CRPPA: variants seen among roughly 807,000 people sequenced by gnomAD.
The protein encoded by CRPPA is CDP-L-ribitol pyrophosphorylase A.
CRPPA carries 43 observed loss-of-function variants against 52.0 expected under a neutral mutation model. That is an observed-to-expected ratio of 0.83 (90% CI 0.65 to 1.07). CRPPA has a LOEUF of 1.07. Ranked by LOEUF, CRPPA falls within the 50% of genes least tolerant of loss-of-function variation. The probability of loss-of-function intolerance (pLI) is 0.00; values close to 1 mark genes in which losing one functional copy is unlikely to be tolerated. For missense variants in CRPPA, 629 were observed against 551.7 expected (o/e 1.14, Z -1.40); for synonymous variants, 250 against 203.5 (o/e 1.23, Z -1.94).
Position 16,254,772 on chromosome 7 carries a change from AGAAAGAAAGAAAGAAAGAAG to A in CRPPA, c.1119+3598_1119+3617del, listed in dbSNP as rs1383508801. Among the ~76,000 whole-genome samples, 18 of 116,940 alleles carry A rather than the reference AGAAAGAAAGAAAGAAAGAAG, an allele frequency of 1.5e-4. 1 individual carries two copies. The highest frequency in any genetic ancestry group is 5.1e-4 in the African/African-American group (15 of 29,454). The allele number at this position is 116,940 out of a possible 152,430, so 76.7% of individuals were successfully genotyped here. A position where few individuals can be genotyped will look rare whatever the true frequency, so the allele number is the denominator to read the frequency against. Reference sequence around the variant, plus strand: ...CAGAAAGAAAGAAAGACAGACACACAGAAAGAAAGAAAGAAAGAAGGAAAGAAAGAAAGAAAGAAAGAAAG... The same window carrying A: ...CAGAAAGAAAGAAAGACAGACACACAGAAAGAAAGAAAGAAAGAAAGAAAG... On this transcript the variant is annotated intron_variant, in intron 8 of 9. Transcript: ENST00000407010.
chr7:16,399,817 G>A (rs530346378), intron 2 of CRPPA, among the ~76,000 whole-genome samples: 19 of 151,964 alleles, frequency 1.3e-4, no homozygotes, highest in Middle Eastern at 3.4e-3. Context: ...ACACTTGATC[G>A]TCACGTGATC....
intron 9 of CRPPA, among the ~76,000 whole-genome samples, chr7:16,205,249 T>C (rs1781948329): frequency 6.6e-6 from 1 of 152,154 alleles, no homozygotes; most frequent in Admixed American, 6.6e-5. Context: ...AACACCCAAT[T>C]AACCTGATGT....
chr7:16,348,824 T>C (rs1265590184), intron 3 of CRPPA, among the ~76,000 whole-genome samples: 1 of 152,194 alleles, frequency 6.6e-6, no homozygotes, highest in Non-Finnish European at 1.5e-5. Flanking sequence ...GTCTACCCAC[T>C]CTTCTTAGAG....
chr7:16,406,415 G>C (rs996903161), intron 1 of CRPPA, 78 bp from the exon 2 acceptor site: 1 of 1,233,834 alleles, frequency 8.1e-7, no homozygotes, highest in Non-Finnish European at 1.1e-6. Flanking sequence ...TGAATCACTA[G>C]TATTGGTATA....
rs376875864 is a variant in CRPPA, at chr7:16,259,006, T to C, written c.940A>G (p.Lys314Glu). ...EVLKSELNHV[K>E]VTSEALGHAG... ...TGACCCAGAGCCTCAGATGTGACTT[T>C]TACATGCTAGTAGGAAAAAACAGAA... Residue 314 changes from lysine to glutamate, a missense_variant, in exon 7 of 10, where the codon AAA becomes GAA. Lys to Glu is a moderately conservative substitution (Grantham distance 56). Transcript: ENST00000407010. The C allele has an allele frequency of 1.1e-5, 18 of 1,607,346 alleles. No individual in the cohort carries two copies. The highest frequency in any genetic ancestry group is 1.5e-5 in the Non-Finnish European group (18 of 1,176,320).
intron 5 of CRPPA, among the ~76,000 whole-genome samples, chr7:16,282,847 G>A (rs1784345939): frequency 6.6e-6 from 1 of 151,894 alleles, no homozygotes; most frequent in Non-Finnish European, 1.5e-5. Flanking sequence ...CATCTGACAG[G>A]CCAATTTCTT....
chr7:16,251,768 G>C (rs1400761193), intron 8 of CRPPA, among the ~76,000 whole-genome samples: 1 of 152,128 alleles, frequency 6.6e-6, no homozygotes, highest in Non-Finnish European at 1.5e-5. Flanking sequence ...ACCCACAAGA[G>C]AAAGCAGGAA....
chr7:16,350,916 G>A (rs1786134677), intron 3 of CRPPA, among the ~76,000 whole-genome samples: 1 of 152,064 alleles, frequency 6.6e-6, no homozygotes, highest in African/African-American at 2.4e-5. Flanking sequence ...TACATTCCAT[G>A]CAAATGGAAA....
At chr7:16,389,928 A>AAAAAAAAAAATATATATATAT in intron 2 of CRPPA, among the ~76,000 whole-genome samples, 1 of 29,768 alleles carries the variant, frequency 3.4e-5, no homozygotes, top group African/African-American at 1.7e-4. Context: ...AAAAAAAAAA[A>AAAAAAAAAAATATATATATAT]ATATATATAT....
chr7:16,092,601 C>T (rs929273402), intron 9 of CRPPA, among the ~76,000 whole-genome samples: 7 of 152,140 alleles, frequency 4.6e-5, no homozygotes, highest in Non-Finnish European at 8.8e-5. Context: ...CAGCATAGCA[C>T]CTTCTGTCCT....
chr7:16,397,567 TTGAC>T (rs142815751), intron 2 of CRPPA, among the ~76,000 whole-genome samples: 193 of 149,396 alleles, frequency 1.3e-3, no homozygotes, highest in African/African-American at 3.5e-3. Context: ...TGTGACCAAT[TTGAC>T]TGACATATGA....
At chr7:16,314,591 G>C (rs986654404) in intron 3 of CRPPA, among the ~76,000 whole-genome samples, 1 of 151,946 alleles carries the variant, frequency 6.6e-6, no homozygotes, top group African/African-American at 2.4e-5. Context: ...TTTTTTACAA[G>C]GCAGGTCTAC....
chr7:16,377,522 C>T (rs1583559684), intron 2 of CRPPA, among the ~76,000 whole-genome samples: 1 of 152,228 alleles, frequency 6.6e-6, no homozygotes, highest in African/African-American at 2.4e-5. Context: ...GCAAGGAGCT[C>T]TGCAGACTCC....
intron 9 of CRPPA, among the ~76,000 whole-genome samples, chr7:16,205,625 G>C (rs566008336): frequency 6.6e-6 from 1 of 152,134 alleles, no homozygotes; most frequent in Admixed American, 6.6e-5. Flanking sequence ...CATCTAAAAA[G>C]TCAGACTCAA....
At position 16,319,923 on chromosome 7, in the gene CRPPA, T is replaced by C. The variant is rs117775614; in HGVS notation, c.685-11296A>G. ...ACCCTCCTTATTTTGTCCCCCTTCA[T>C]TCCGTTCCAGAGGTACCTGGTGCTG... On this transcript the variant is annotated intron_variant, in intron 3 of 9. Transcript: ENST00000407010. Among the ~76,000 whole-genome samples the C allele has an allele frequency of 2.0e-5, 3 of 152,276 alleles. No individual in the cohort carries two copies. The East Asian group carries it at 5.8e-4, about 29-fold the overall frequency.
rs114934093 is a variant in CRPPA, at chr7:16,126,881, C to T, written c.1252-35082G>A. On this transcript the variant is annotated intron_variant, in intron 9 of 9. Transcript: ENST00000407010. ...TCATAGAAAAATGAGCAACAAAAGGCAAAGAAATTTGAACTAATGATTGAT... is the reference window on the plus strand; with the variant it reads ...TCATAGAAAAATGAGCAACAAAAGGTAAAGAAATTTGAACTAATGATTGAT... Among the ~76,000 whole-genome samples the T allele has an allele frequency of 6.6e-3, 996 of 151,886 alleles. 13 individuals are homozygous for T. Among genetic ancestry groups the T allele is most frequent in the African/African-American group, 0.022 (916 of 41,446 alleles).
chr7:16,192,788 G>A (rs1007893774), intron 9 of CRPPA, among the ~76,000 whole-genome samples: 3 of 152,062 alleles, frequency 2.0e-5, no homozygotes. Context: ...TCTAACAAAC[G>A]TTTCCAATTC....
chr7:16,167,209 A>C (rs574136776), intron 9 of CRPPA, among the ~76,000 whole-genome samples: 1 of 152,260 alleles, frequency 6.6e-6, no homozygotes, highest in Non-Finnish European at 1.5e-5. Context: ...TACAGGCGTG[A>C]GCCACCGCGC....
At chr7:16,324,099 G>T (rs1785322616) in intron 3 of CRPPA, among the ~76,000 whole-genome samples, 1 of 152,130 alleles carries the variant, frequency 6.6e-6, no homozygotes, top group Admixed American at 6.6e-5. Context: ...CCTCTTATTT[G>T]TCTTTAAATC....
Sources: allele counts gnomAD v4.1 joint callset (sites outside exome capture counted in the v4.1 genomes callset), GRCh38; gene constraint gnomAD v4.1.1; transcripts MANE v1.5; gene names NCBI Gene and HGNC (gene_info 2026-07-23, HGNC 2026-07-21).